Variants in GTF2IRD1 observed in about 807,000 individuals in gnomAD.
GTF2IRD1 encodes GTF2I repeat domain containing 1, also known as general transcription factor II-I repeat domain-containing protein 1.
A neutral mutation model predicts 113.2 loss-of-function variants in GTF2IRD1; 26 were observed. That is an observed-to-expected ratio of 0.23 (90% confidence interval 0.17 to 0.32). The LOEUF (loss-of-function observed/expected upper bound fraction) is 0.32, where lower values mean the gene tolerates loss of function less well. GTF2IRD1 is among the 10% of genes least tolerant of loss of function. GTF2IRD1 has a pLI of 1.00. For missense variants in GTF2IRD1, 864 were observed against 1,280.8 expected (o/e 0.67, Z 4.97); for synonymous variants, 484 against 529.1 (o/e 0.91, Z 1.17).
intron 19 of GTF2IRD1, among the ~76,000 whole-genome samples, chr7:74,556,536 G>T (rs1314492068): frequency 8.6e-5 from 13 of 150,962 alleles, no homozygotes; most frequent in Admixed American, 7.9e-4. Flanking sequence ...TGGACAGGCT[G>T]GTCTCGAGCT....
intron 24 of GTF2IRD1, among the ~76,000 whole-genome samples, 164 bp from the exon 25 acceptor site, chr7:74,594,844 CGGGAGG>C (rs1802309614): frequency 6.6e-6 from 1 of 151,628 alleles, no homozygotes; most frequent in Non-Finnish European, 1.5e-5. Context: ...CCCAGCTACT[CGGGAGG>C]CTGAGACAGG....
chr7:74,472,075 A>T lies in GTF2IRD1; in HGVS notation c.-7+17899A>T, dbSNP rs149572785. ...ATGAATTTTATTGCATGTATATTACACTCCAGGTAAAAAGGGGCCTGGCCT... is the reference window on the plus strand; with the variant it reads ...ATGAATTTTATTGCATGTATATTACTCTCCAGGTAAAAAGGGGCCTGGCCT... On this transcript the variant is annotated intron_variant, in intron 1 of 26. Coordinates refer to ENST00000424337, the MANE Select transcript of GTF2IRD1 (RefSeq NM_005685.4). Among the ~76,000 whole-genome samples, 22 of 152,268 alleles carry T rather than the reference A, an allele frequency of 1.4e-4. 1 individual carries two copies. In the East Asian group the frequency reaches 4.1e-3, roughly 28 times the overall value.
At chr7:74,487,036 A>AATTTT (rs1201121347) in intron 1 of GTF2IRD1, among the ~76,000 whole-genome samples, 2 of 152,080 alleles carry the variant, frequency 1.3e-5, no homozygotes, top group Non-Finnish European at 1.5e-5. Context: ...TTACAAGATA[A>AATTTT]CTTTTCTTTT....
chr7:74,459,571 G>A (rs1266580954), intron 1 of GTF2IRD1, among the ~76,000 whole-genome samples: 1 of 152,054 alleles, frequency 6.6e-6, no homozygotes, highest in African/African-American at 2.4e-5. Flanking sequence ...GAACTCTCTC[G>A]CCCCTGAGCT....
At chr7:74,554,020 A>C (rs1367137253) in intron 17 of GTF2IRD1, among the ~76,000 whole-genome samples, 22 of 152,250 alleles carry the variant, frequency 1.4e-4, no homozygotes, top group African/African-American at 5.1e-4. Context: ...GCGGGCACCA[A>C]ATCCTCATCT....
chr7:74,468,636 C>T (rs1374060275), intron 1 of GTF2IRD1, among the ~76,000 whole-genome samples: 3 of 137,052 alleles, frequency 2.2e-5, no homozygotes, highest in East Asian at 4.5e-4. Context: ...TCCAGCCTGG[C>T]GACAGAGCAG....
chr7:74,586,672 C>G (rs1801735862), intron 22 of GTF2IRD1, among the ~76,000 whole-genome samples: 1 of 152,196 alleles, frequency 6.6e-6, no homozygotes, highest in Non-Finnish European at 1.5e-5. Context: ...GTGGGAAGCT[C>G]CCTGCTCTTT....
intron 22 of GTF2IRD1, among the ~76,000 whole-genome samples, chr7:74,583,686 C>T (rs1336642139): frequency 3.3e-5 from 5 of 152,072 alleles, no homozygotes; most frequent in Non-Finnish European, 2.9e-5. Context: ...AGTATCCTAT[C>T]GACTGCCCCG....
chr7:74,568,505 G>A (rs1337745838), intron 22 of GTF2IRD1, among the ~76,000 whole-genome samples: 14 of 152,034 alleles, frequency 9.2e-5, no homozygotes, highest in Admixed American at 9.2e-4. Flanking sequence ...AAAATTAGCT[G>A]GGCGTGATGG....
intron 15 of GTF2IRD1, among the ~76,000 whole-genome samples, chr7:74,545,288 G>A (rs1798856005): frequency 6.6e-6 from 1 of 152,082 alleles, no homozygotes; most frequent in African/African-American, 2.4e-5. Context: ...GTAGTATCCT[G>A]GAATGGAATG....
At chr7:74,544,727 C>A in intron 14 of GTF2IRD1, 28 bp from the exon 15 acceptor site, 3 of 1,611,532 alleles carry the variant, frequency 1.9e-6, no homozygotes, top group Non-Finnish European at 2.5e-6. Flanking sequence ...ATGAATGTGG[C>A]TTCCCGGCAT....
chr7:74,556,620 CT>C lies in GTF2IRD1; in HGVS notation c.2024-998del, dbSNP rs782679644. On this transcript the variant is annotated intron_variant, in intron 19 of 26. Coordinates refer to ENST00000424337, the MANE Select transcript of GTF2IRD1 (RefSeq NM_005685.4). The stretch of plus-strand genomic sequence containing the variant: ...TACAGGCATGAACCACTGCACCCAG[CT>C]TTTTTTTTTTTTTTTTTTTTGAGAC... Among the ~76,000 whole-genome samples, 433 of 107,166 alleles carry C rather than the reference CT, an allele frequency of 4.0e-3. 2 individuals are homozygous for C. The highest frequency in any genetic ancestry group is 0.017 in the South Asian group (57 of 3,276). The allele number at this position is 107,166 out of a possible 152,430, so 70.3% of individuals were successfully genotyped here. A position where few individuals can be genotyped will look rare whatever the true frequency, so the allele number is the denominator to read the frequency against.
At chr7:74,547,358 A>C in intron 17 of GTF2IRD1, 72 bp downstream of exon 17, 3 of 1,234,330 alleles carry the variant, frequency 2.4e-6, no homozygotes, top group Non-Finnish European at 3.4e-6. Context: ...GCAGCACCAA[A>C]TTGCCATCAA....
intron 1 of GTF2IRD1, among the ~76,000 whole-genome samples, chr7:74,503,898 C>T (rs1796163153): frequency 6.6e-6 from 1 of 152,116 alleles, no homozygotes; most frequent in Non-Finnish European, 1.5e-5. Context: ...TTTTTCAGCC[C>T]CTCCTTTTCC....
At chr7:74,539,365 T>G (rs1236869077) in intron 13 of GTF2IRD1, among the ~76,000 whole-genome samples, 1 of 152,054 alleles carries the variant, frequency 6.6e-6, no homozygotes, top group Non-Finnish European at 1.5e-5. Context: ...GGAGGATCAC[T>G]TGAGCCCAAG....
intron 1 of GTF2IRD1, among the ~76,000 whole-genome samples, chr7:74,502,486 G>T (rs782241164): frequency 1.2e-4 from 18 of 152,204 alleles, no homozygotes; most frequent in Non-Finnish European, 2.1e-4. Context: ...CCAGGTGCAG[G>T]GTGTTTGGGA....
chr7:74,515,679 G>A (rs1426716539), intron 4 of GTF2IRD1, 83 bp downstream of exon 4: 5 of 1,260,186 alleles, frequency 4.0e-6, no homozygotes, highest in Admixed American at 2.3e-5. Context: ...GCCCCCTCCT[G>A]TCCCACTATG....
intron 1 of GTF2IRD1, among the ~76,000 whole-genome samples, chr7:74,471,969 G>A (rs1794139671): frequency 6.6e-6 from 1 of 152,188 alleles, no homozygotes; most frequent in South Asian, 2.1e-4. Context: ...TCCAGCCTAG[G>A]CGACAGAATG....
chr7:74,460,130 C>T (rs909521262), intron 1 of GTF2IRD1, among the ~76,000 whole-genome samples: 1 of 151,876 alleles, frequency 6.6e-6, no homozygotes, highest in African/African-American at 2.4e-5. Flanking sequence ...CACACGCCAC[C>T]GTGCCCGGCT....
Sources: allele counts gnomAD v4.1 joint callset (sites outside exome capture counted in the v4.1 genomes callset), GRCh38; gene constraint gnomAD v4.1.1; transcripts MANE v1.5; gene names NCBI Gene and HGNC (gene_info 2026-07-23, HGNC 2026-07-21).